Variants in CDH18 observed in about 807,000 individuals in gnomAD.
CDH18 encodes cadherin-18.
A neutral mutation model predicts 67.9 loss-of-function variants in CDH18; 31 were observed. That is an observed-to-expected ratio of 0.46 (90% CI 0.34 to 0.62). The LOEUF (loss-of-function observed/expected upper bound fraction) is 0.62. Among genes scored for constraint, CDH18 ranks in the 20% least tolerant of loss-of-function variants. The pLI is 0.01. For missense variants in CDH18, 890 were observed against 975.5 expected (o/e 0.91, Z 1.17); for synonymous variants, 362 against 347.2 (o/e 1.04, Z -0.48).
At chr5:20,010,479 G>A (rs1158882416) in intron 2 of CDH18, among the ~76,000 whole-genome samples, 1 of 152,128 alleles carries the variant, frequency 6.6e-6, no homozygotes, top group African/African-American at 2.4e-5. Flanking sequence ...AAAGTTCCGG[G>A]ATTAGAAGTG....
chr5:20,345,829 C>T (rs560003455), intron 1 of CDH18, among the ~76,000 whole-genome samples: 8 of 152,196 alleles, frequency 5.3e-5, no homozygotes, highest in Admixed American at 3.3e-4. Flanking sequence ...ATTTCAGCCC[C>T]TCCATTAATA....
At chr5:20,271,984 TATTTTTTCAACATTTTGGAC>T (rs1745473487) in intron 1 of CDH18, among the ~76,000 whole-genome samples, 1 of 151,894 alleles carries the variant, frequency 6.6e-6, no homozygotes, top group South Asian at 2.1e-4. Context: ...TTAGCTGCAC[TATTTTTTCAACATTTTGGAC>T]ATTTTTATGA....
chr5:20,405,499 G>T (rs1027290721), intron 1 of CDH18, among the ~76,000 whole-genome samples: 3 of 152,126 alleles, frequency 2.0e-5, no homozygotes, highest in Non-Finnish European at 4.4e-5. Flanking sequence ...AGAAAACCTA[G>T]GCAATACCAT....
At position 19,888,421 on chromosome 5, in the gene CDH18, A is replaced by G. The variant is rs1788455096; in HGVS notation, c.-256-49179T>C. On this transcript the variant is annotated intron_variant, in intron 2 of 12. Coordinates refer to ENST00000382275, the MANE Select transcript of CDH18 (RefSeq NM_004934.5). ...GGAATTTTGTATGTGTGTAAGTCTT[A>G]GATATCTTTCATTAGATTTATTTCT... 3.9e-5 allele frequency among the ~76,000 whole-genome samples: 6 copies of G among 152,038 alleles called. No individual in the cohort carries two copies. In the South Asian group the frequency reaches 1.2e-3, roughly 32 times the overall value.
intron 3 of CDH18, among the ~76,000 whole-genome samples, chr5:19,807,179 T>TG (rs539198276): frequency 5.9e-5 from 9 of 152,008 alleles, no homozygotes; most frequent in Non-Finnish European, 1.2e-4. Context: ...GGATTTGTGG[T>TG]GGGGGTAGAG....
chr5:20,000,123 A>T (rs1273433104), intron 2 of CDH18, among the ~76,000 whole-genome samples: 6 of 152,146 alleles, frequency 3.9e-5, no homozygotes, highest in African/African-American at 1.4e-4. Context: ...TTTGTCCCTT[A>T]CATAATAAGT....
intron 1 of CDH18, among the ~76,000 whole-genome samples, chr5:20,276,062 G>A (rs565194860): frequency 1.3e-5 from 2 of 152,170 alleles, no homozygotes; most frequent in Non-Finnish European, 2.9e-5. Context: ...ACTACCATGC[G>A]ATAAATTGCT....
At chr5:20,516,606 A>C (rs1006139506) in intron 1 of CDH18, among the ~76,000 whole-genome samples, 1 of 151,918 alleles carries the variant, frequency 6.6e-6, no homozygotes, top group Non-Finnish European at 1.5e-5. Context: ...AGAAATTAGA[A>C]AAAGTAGACA....
At chr5:19,853,672 T>C (rs191044804) in intron 2 of CDH18, among the ~76,000 whole-genome samples, 7 of 152,212 alleles carry the variant, frequency 4.6e-5, no homozygotes, top group African/African-American at 1.7e-4. Flanking sequence ...CTGAAACCTG[T>C]GTGCAGTTGG....
chr5:19,647,829 C>T (rs1755004125), intron 5 of CDH18, among the ~76,000 whole-genome samples: 1 of 151,924 alleles, frequency 6.6e-6, no homozygotes, highest in South Asian at 2.1e-4. Flanking sequence ...GAGGTGTCCA[C>T]CAATTATTTT....
intron 1 of CDH18, among the ~76,000 whole-genome samples, chr5:20,455,943 A>G (rs1484397301): frequency 1.3e-5 from 2 of 152,132 alleles, no homozygotes; most frequent in Non-Finnish European, 2.9e-5. Flanking sequence ...TAATTTACTC[A>G]TTGGTAATCA....
intron 1 of CDH18, among the ~76,000 whole-genome samples, chr5:20,350,971 A>G (rs1443525563): frequency 1.3e-5 from 2 of 150,838 alleles, no homozygotes; most frequent in African/African-American, 4.9e-5. Flanking sequence ...CCATTTTGGA[A>G]AAGTAAAAAA....
intron 2 of CDH18, among the ~76,000 whole-genome samples, chr5:20,097,247 T>C (rs1354838229): frequency 1.3e-5 from 2 of 152,116 alleles, no homozygotes; most frequent in Non-Finnish European, 1.5e-5. Context: ...GTTGTCATAG[T>C]GCTATGAAAA....
intron 8 of CDH18, among the ~76,000 whole-genome samples, chr5:19,549,621 AAGG>A (rs1167384122): frequency 4.7e-5 from 7 of 147,446 alleles, no homozygotes; most frequent in African/African-American, 7.4e-5. Context: ...ATAAAGAAAG[AAGG>A]AAGGAAGAAA....
At chr5:19,635,529 G>A (rs1753014386) in intron 5 of CDH18, among the ~76,000 whole-genome samples, 1 of 152,116 alleles carries the variant, frequency 6.6e-6, no homozygotes, top group Admixed American at 6.5e-5. Context: ...AGTCATCTTT[G>A]GTAGTTGCAC....
intron 3 of CDH18, among the ~76,000 whole-genome samples, chr5:19,759,527 G>A (rs918086073): frequency 6.6e-6 from 1 of 152,140 alleles, no homozygotes; most frequent in Non-Finnish European, 1.5e-5. Context: ...CACAGGCCGA[G>A]TCCAGGGACC....
chr5:20,221,510 C>T (rs570004858), intron 2 of CDH18, among the ~76,000 whole-genome samples: 3 of 151,978 alleles, frequency 2.0e-5, no homozygotes, highest in East Asian at 3.9e-4. Flanking sequence ...TTATTGGGTA[C>T]AGAAACATAG....
intron 2 of CDH18, among the ~76,000 whole-genome samples, chr5:19,880,058 T>A (rs1039772959): frequency 6.6e-6 from 1 of 151,930 alleles, no homozygotes; most frequent in African/African-American, 2.4e-5. Flanking sequence ...ATTGTAGAAA[T>A]AATATGTTCC....
intron 1 of CDH18, among the ~76,000 whole-genome samples, chr5:20,326,379 T>C (rs1462172134): frequency 6.6e-6 from 1 of 152,134 alleles, no homozygotes; most frequent in Non-Finnish European, 1.5e-5. Flanking sequence ...TCTTTACATA[T>C]ACTCTTGAAT....
Sources: allele counts gnomAD v4.1 joint callset (sites outside exome capture counted in the v4.1 genomes callset), GRCh38; gene constraint gnomAD v4.1.1; transcripts MANE v1.5; gene names NCBI Gene and HGNC (gene_info 2026-07-23, HGNC 2026-07-21).